TRPM3: variants seen among roughly 807,000 people sequenced by gnomAD.
The protein encoded by TRPM3 is long transient receptor potential channel 3.
A neutral mutation model predicts 181.2 loss-of-function variants in TRPM3; 77 were observed. That is an observed-to-expected ratio of 0.42 (90% CI 0.35 to 0.51). The LOEUF is 0.51. Among genes scored for constraint, TRPM3 ranks in the 20% least tolerant of loss-of-function variants. TRPM3 has a pLI of 0.01. For missense variants in TRPM3, 1,759 were observed against 2,196.7 expected, an observed-to-expected ratio of 0.80 and a Z score of 3.98; for synonymous variants, 745 against 796.4, an observed-to-expected ratio of 0.94 and a Z score of 1.09.
At chr9:70,549,823 A>G (rs2046029425) in intron 24 of TRPM3, 149 bp from the exon 25 acceptor site, 2 of 741,434 alleles carry the variant, frequency 2.7e-6, no homozygotes, top group South Asian at 2.4e-5. Context: ...TCCAAATCCA[A>G]TTAGGCAACT....
rs200518898 is a variant in TRPM3, at chr9:71,320,119, AT to A, written c.183+126533del. ...CTGGACCACAGCCATCCCAGAATAT[AT>A]TGTGTTCCCTAAAGTGTGAAAGGTA... On this transcript the variant is annotated intron_variant, in intron 1 of 24. Transcript: ENST00000357533. Among the ~76,000 whole-genome samples the A allele has an allele frequency of 5.6e-3, 857 of 152,000 alleles. 10 individuals are homozygous for A. The highest frequency in any genetic ancestry group is 0.018 in the African/African-American group (751 of 41,416).
At position 71,148,110 on chromosome 9, in the gene TRPM3, T is replaced by TA. The variant is rs10713717; in HGVS notation, c.184-283600dup. Among the ~76,000 whole-genome samples the TA allele has an allele frequency of 1.5e-4, 22 of 150,480 alleles. 1 individual carries two copies. Among genetic ancestry groups the TA allele is most frequent in the African/African-American group, 3.7e-4 (15 of 40,790 alleles). On this transcript the variant is annotated intron_variant, in intron 1 of 24. Transcript: ENST00000357533. The stretch of plus-strand genomic sequence containing the variant: ...GTAGTGTAAAAGAATTTTCTGAAGT[T>TA]AAAAAAAAAAATCTCAATTTATTAC...
At chr9:70,992,842 T>C (rs1277995303) in intron 1 of TRPM3, among the ~76,000 whole-genome samples, 4 of 152,298 alleles carry the variant, frequency 2.6e-5, no homozygotes, top group African/African-American at 4.8e-5. Context: ...TATTGAAAAG[T>C]GCCAACACAA....
intron 1 of TRPM3, among the ~76,000 whole-genome samples, chr9:71,102,219 C>T (rs1306523156): frequency 1.3e-5 from 2 of 152,110 alleles, no homozygotes; most frequent in African/African-American, 2.4e-5. Context: ...GATTTTGAAA[C>T]CACCCGTCCT....
intron 1 of TRPM3, among the ~76,000 whole-genome samples, chr9:71,434,158 C>A (rs1329892311): frequency 6.6e-6 from 1 of 151,892 alleles, no homozygotes; most frequent in Non-Finnish European, 1.5e-5. Context: ...GACTCTGTCT[C>A]AAAAAATATA....
rs1451780575 is a variant in TRPM3 at position 70,841,653 on chromosome 9, T to TAC, written c.801+1349_801+1350insGT. On this transcript the variant is annotated intron_variant, in intron 5 of 25. Coordinates refer to ENST00000677713, the MANE Select transcript of TRPM3 (RefSeq NM_001366145.2). ...ATATATATATATATATATATATATA[T>TAC]ATATATATCCCACCATATATATGTA... 5.2e-5 allele frequency among the ~76,000 whole-genome samples: 6 copies of TAC among 114,918 alleles called. No homozygotes were observed. In the East Asian group the frequency reaches 1.4e-3, roughly 27 times the overall value. 75.4% of individuals were successfully genotyped at this position (114,918 alleles called of 152,430 possible). A position where few individuals can be genotyped will look rare whatever the true frequency, so the allele number is the denominator to read the frequency against.
intron 1 of TRPM3, among the ~76,000 whole-genome samples, chr9:71,074,086 C>T (rs541034274): frequency 7.9e-5 from 12 of 152,058 alleles, no homozygotes; most frequent in Non-Finnish European, 1.2e-4. Context: ...AAGAGGCTAG[C>T]GGAACCATGA....
intron 1 of TRPM3, among the ~76,000 whole-genome samples, chr9:71,108,392 C>T (rs12555045): frequency 6.6e-6 from 1 of 152,168 alleles, no homozygotes. Flanking sequence ...TGCATCCTTG[C>T]TAAGAGAGGC....
At chr9:71,433,709 C>T (rs12346235) in intron 1 of TRPM3, among the ~76,000 whole-genome samples, 1,560 of 152,272 alleles carry the variant, frequency 0.01, 29 homozygotes, top group African/African-American at 0.035. Context: ...AGATTACCTG[C>T]TACACATGCT....
chr9:71,027,142 T>C lies in TRPM3; in HGVS notation c.177+94036A>G, dbSNP rs533100190. ...AGGTTCCTAACCTCAAGGAGCTAGA[T>C]AACAAAGCCAGGGCCCAATATCAGT... On this transcript the variant is annotated intron_variant, in intron 1 of 25. Coordinates refer to ENST00000677713, the MANE Select transcript of TRPM3 (RefSeq NM_001366145.2). Among the ~76,000 whole-genome samples, 8 of 152,224 alleles carry C rather than the reference T, an allele frequency of 5.3e-5. No individual in the cohort carries two copies. The South Asian group carries it at 1.2e-3, about 24-fold the overall frequency.
intron 1 of TRPM3, among the ~76,000 whole-genome samples, chr9:71,207,846 C>T (rs993073773): frequency 1.3e-5 from 2 of 152,080 alleles, no homozygotes; most frequent in Non-Finnish European, 2.9e-5. Context: ...ATCTCTTTTA[C>T]TTTTATCCTT....
chr9:71,020,006 T>G (rs1489182656), intron 1 of TRPM3, among the ~76,000 whole-genome samples: 3 of 152,206 alleles, frequency 2.0e-5, no homozygotes, highest in Non-Finnish European at 4.4e-5. Context: ...ATATTTTGAC[T>G]ACTACTTCAC....
chr9:71,014,217 T>C (rs968176334), intron 1 of TRPM3, among the ~76,000 whole-genome samples: 1 of 152,032 alleles, frequency 6.6e-6, no homozygotes. Context: ...AATTTCCAAG[T>C]GGGGCATTTT....
At chr9:70,616,839 C>G (rs768396450) in intron 17 of TRPM3, among the ~76,000 whole-genome samples, 2 of 152,150 alleles carry the variant, frequency 1.3e-5, no homozygotes, top group Non-Finnish European at 1.5e-5. Context: ...ATACGGAAGC[C>G]TTTCTTCTGA....
chr9:71,162,491 T>C (rs2076330372), intron 1 of TRPM3, among the ~76,000 whole-genome samples: 1 of 152,146 alleles, frequency 6.6e-6, no homozygotes, highest in Admixed American at 6.6e-5. Context: ...ATGGGTATAC[T>C]TTATTTTACA....
intron 1 of TRPM3, among the ~76,000 whole-genome samples, chr9:71,048,264 T>C (rs1013886494): frequency 2.0e-5 from 3 of 152,224 alleles, no homozygotes; most frequent in South Asian, 2.1e-4. Flanking sequence ...TCAATATATC[T>C]GTTAAACAGA....
At chr9:71,402,923 A>G (rs1434446494) in intron 1 of TRPM3, among the ~76,000 whole-genome samples, 1 of 152,178 alleles carries the variant, frequency 6.6e-6, no homozygotes, top group African/African-American at 2.4e-5. Flanking sequence ...CTCAAAAAAC[A>G]TTAATGAACC....
At chr9:71,134,032 C>T (rs111654371) in intron 1 of TRPM3, among the ~76,000 whole-genome samples, 121 of 150,400 alleles carry the variant, frequency 8.0e-4, no homozygotes, top group African/African-American at 2.7e-3. Context: ...CGCGCGCGCG[C>T]GTGTCTGTGT....
intron 9 of TRPM3, among the ~76,000 whole-genome samples, chr9:70,646,877 A>C (rs1289070589): frequency 8.2e-6 from 1 of 121,692 alleles, no homozygotes; most frequent in Non-Finnish European, 1.7e-5. Flanking sequence ...TGGAAGTACA[A>C]AAAAAAAAAA....
Sources: allele counts gnomAD v4.1 joint callset (sites outside exome capture counted in the v4.1 genomes callset), GRCh38; gene constraint gnomAD v4.1.1; transcripts MANE v1.5; gene names NCBI Gene and HGNC (gene_info 2026-07-23, HGNC 2026-07-21).